Variants in TNR observed in about 807,000 individuals in gnomAD.
TNR encodes the protein tenascin R.
A neutral mutation model predicts 150.4 loss-of-function variants in TNR; 45 were observed. That is an observed-to-expected ratio of 0.30 (90% CI 0.24 to 0.38). The LOEUF (loss-of-function observed/expected upper bound fraction) is 0.38. TNR is among the 10% of genes least tolerant of loss of function. The probability of loss-of-function intolerance (pLI) is 1.00; values close to 1 mark genes in which losing one functional copy is unlikely to be tolerated. For synonymous variants in TNR, 687 were observed against 678.4 expected (o/e 1.01, Z -0.20); for missense variants, 1,544 against 1,759.1 (o/e 0.88, Z 2.19).
intron 2 of TNR, among the ~76,000 whole-genome samples, chr1:175,447,381 T>C (rs544748619): frequency 6.6e-6 from 1 of 152,324 alleles, no homozygotes; most frequent in East Asian, 1.9e-4. Flanking sequence ...TGCTCTTTTT[T>C]GGAGGGTGGG....
At chr1:175,505,426 C>T (rs1050660860) in intron 2 of TNR, among the ~76,000 whole-genome samples, 7 of 152,258 alleles carry the variant, frequency 4.6e-5, no homozygotes, top group Non-Finnish European at 1.0e-4. Context: ...CTCAGCCCTC[C>T]TCCGTTCCCC....
chr1:175,467,519 C>A (rs143739343), intron 2 of TNR, among the ~76,000 whole-genome samples: 1 of 152,068 alleles, frequency 6.6e-6, no homozygotes, highest in Admixed American at 6.5e-5. Flanking sequence ...CCTTTCTAGC[C>A]GGGGGATGTC....
intron 1 of TNR, among the ~76,000 whole-genome samples, chr1:175,703,727 G>C (rs1666767888): frequency 6.6e-6 from 1 of 152,156 alleles, no homozygotes; most frequent in Non-Finnish European, 1.5e-5. Flanking sequence ...ATGAAAAGAT[G>C]TTCCCCAAAC....
intron 1 of TNR, among the ~76,000 whole-genome samples, chr1:175,566,096 A>G (rs1366220490): frequency 2.6e-5 from 4 of 152,236 alleles, no homozygotes; most frequent in Non-Finnish European, 4.4e-5. Flanking sequence ...CTCAGCCTCA[A>G]GCAGAGAAGG....
At chr1:175,440,186 T>C (rs1291032649) in intron 2 of TNR, among the ~76,000 whole-genome samples, 5 of 152,148 alleles carry the variant, frequency 3.3e-5, no homozygotes, top group Admixed American at 6.5e-5. Flanking sequence ...CATGGAATAC[T>C]ATGCAGCCAT....
intron 20 of TNR, among the ~76,000 whole-genome samples, chr1:175,330,740 C>A (rs139514999): frequency 0.016 from 2,363 of 152,338 alleles, 23 homozygotes; most frequent in Non-Finnish European, 0.021. Context: ...CCTCTCCTGC[C>A]TTCAGCCTAG....
chr1:175,732,900 T>C (rs574882806), intron 1 of TNR, among the ~76,000 whole-genome samples: 6 of 152,334 alleles, frequency 3.9e-5, no homozygotes, highest in African/African-American at 1.2e-4. Context: ...TTTTGTCATG[T>C]AGATGTTAGC....
At chr1:175,561,851 G>A (rs1403481987) in intron 1 of TNR, among the ~76,000 whole-genome samples, 1 of 152,156 alleles carries the variant, frequency 6.6e-6, no homozygotes, top group Non-Finnish European at 1.5e-5. Flanking sequence ...CTGGAGACCT[G>A]TGAGGCCCGT....
intron 1 of TNR, among the ~76,000 whole-genome samples, chr1:175,608,250 G>A (rs1663477484): frequency 1.3e-5 from 2 of 152,202 alleles, no homozygotes; most frequent in African/African-American, 4.8e-5. Flanking sequence ...CAATGGGAAA[G>A]GGATACATAG....
At chr1:175,468,883 A>G (rs565960672) in intron 2 of TNR, among the ~76,000 whole-genome samples, 1 of 152,268 alleles carries the variant, frequency 6.6e-6, no homozygotes, top group Non-Finnish European at 1.5e-5. Flanking sequence ...GGTGAGCACA[A>G]AGCTGGCGGC....
chr1:175,623,369 A>G (rs1334890152), intron 1 of TNR, among the ~76,000 whole-genome samples: 1 of 152,194 alleles, frequency 6.6e-6, no homozygotes, highest in Admixed American at 6.5e-5. Context: ...ACTCCCAGAA[A>G]ACAGTTTCTT....
At chr1:175,567,631 T>C (rs143332021) in intron 1 of TNR, among the ~76,000 whole-genome samples, 150 of 152,296 alleles carry the variant, frequency 9.8e-4, no homozygotes, top group Non-Finnish European at 1.6e-3. Context: ...GAAAGTGTGG[T>C]CTTGTGGAAG....
chr1:175,358,436 A>G (rs1651428951), intron 15 of TNR, among the ~76,000 whole-genome samples: 1 of 152,258 alleles, frequency 6.6e-6, no homozygotes, highest in Non-Finnish European at 1.5e-5. Context: ...CTGTGCTGCT[A>G]TATGGTAATC....
chr1:175,442,219 C>A (rs1170360737), intron 2 of TNR, among the ~76,000 whole-genome samples: 9 of 152,136 alleles, frequency 5.9e-5, no homozygotes, highest in Non-Finnish European at 1.0e-4. Flanking sequence ...CCCTCTCTTC[C>A]CCCTTCTCTT....
chr1:175,503,310 G>C (rs982464415), intron 2 of TNR, among the ~76,000 whole-genome samples: 1 of 152,178 alleles, frequency 6.6e-6, no homozygotes, highest in Non-Finnish European at 1.5e-5. Context: ...TTAAGGAAGC[G>C]ACAGACCCAC....
At chr1:175,577,666 C>T (rs1308842920) in intron 1 of TNR, among the ~76,000 whole-genome samples, 4 of 151,966 alleles carry the variant, frequency 2.6e-5, no homozygotes, top group Non-Finnish European at 5.9e-5. Flanking sequence ...GTAAATAATG[C>T]CATCTATAAT....
chr1:175,711,631 G>A (rs950181313), intron 1 of TNR, among the ~76,000 whole-genome samples: 4 of 152,198 alleles, frequency 2.6e-5, no homozygotes, highest in African/African-American at 7.2e-5. Context: ...GGCTAGTGCA[G>A]TAGCCCAGGC....
intron 2 of TNR, among the ~76,000 whole-genome samples, chr1:175,470,882 G>A (rs1373220891): frequency 6.6e-6 from 1 of 152,188 alleles, no homozygotes; most frequent in Non-Finnish European, 1.5e-5. Flanking sequence ...TTGGCACAGG[G>A]TTGGGCATGA....
chr1:175,471,368 G>T (rs187872992), intron 2 of TNR, among the ~76,000 whole-genome samples: 1 of 152,166 alleles, frequency 6.6e-6, no homozygotes, highest in South Asian at 2.1e-4. Context: ...GTCGTTAGTC[G>T]ACTGTGTGAA....
Sources: allele counts gnomAD v4.1 joint callset (sites outside exome capture counted in the v4.1 genomes callset), GRCh38; gene constraint gnomAD v4.1.1; transcripts MANE v1.5; gene names NCBI Gene and HGNC (gene_info 2026-07-23, HGNC 2026-07-21).